ADAM23: variants seen among roughly 807,000 people sequenced by gnomAD.
The protein encoded by ADAM23 is ADAM metallopeptidase domain 23, also known as disintegrin and metalloproteinase domain-containing protein 23.
Under a neutral mutation model 120.1 loss-of-function variants are expected in ADAM23, and 33 were observed. The observed-to-expected ratio is 0.27, with a 90% CI of 0.21 to 0.37. The LOEUF (loss-of-function observed/expected upper bound fraction) is 0.37, where lower values mean the gene tolerates loss of function less well. Ranked by LOEUF, ADAM23 falls within the 10% of genes least tolerant of loss-of-function variation. The pLI is 1.00. For synonymous variants in ADAM23, 367 were observed against 375.2 expected (o/e 0.98, Z 0.25); for missense variants, 862 against 1,058.2 (o/e 0.81, Z 2.57).
chr2:206,606,346 A>G (rs912882925), intron 24 of ADAM23, among the ~76,000 whole-genome samples: 3 of 152,174 alleles, frequency 2.0e-5, no homozygotes, highest in Non-Finnish European at 4.4e-5. Flanking sequence ...ATAGCTACTA[A>G]TGTTTTCTTC....
chr2:206,444,249 TC>T (rs1226790120), intron 1 of ADAM23, among the ~76,000 whole-genome samples, 169 bp downstream of exon 1: 2 of 152,182 alleles, frequency 1.3e-5, no homozygotes, highest in Non-Finnish European at 2.9e-5. Flanking sequence ...TCATCCCAGT[TC>T]ACTTTTGGAA....
chr2:206,599,148 T>C (rs188851779), intron 24 of ADAM23, among the ~76,000 whole-genome samples: 3 of 147,340 alleles, frequency 2.0e-5, no homozygotes, highest in African/African-American at 7.6e-5. Flanking sequence ...GAGGTTACAG[T>C]GAGCCGAGAT....
At chr2:206,457,723 A>G (rs912240807) in intron 2 of ADAM23, among the ~76,000 whole-genome samples, 3 of 152,212 alleles carry the variant, frequency 2.0e-5, no homozygotes, top group Non-Finnish European at 4.4e-5. Flanking sequence ...TATATGGAAC[A>G]AAGTGGTTAT....
At chr2:206,533,196 G>GT (rs1205299704) in intron 4 of ADAM23, among the ~76,000 whole-genome samples, 2 of 151,396 alleles carry the variant, frequency 1.3e-5, no homozygotes, top group African/African-American at 4.9e-5. Context: ...ATCTCAAATT[G>GT]TTTTTTTTAT....
intron 24 of ADAM23, among the ~76,000 whole-genome samples, chr2:206,608,432 T>G (rs985407406): frequency 3.6e-4 from 55 of 152,166 alleles, no homozygotes; most frequent in African/African-American, 1.3e-3. Flanking sequence ...TAAACAAGGA[T>G]AGTCATAGTT....
intron 15 of ADAM23, among the ~76,000 whole-genome samples, chr2:206,568,960 G>A (rs1176025889): frequency 6.6e-6 from 1 of 152,148 alleles, no homozygotes; most frequent in Non-Finnish European, 1.5e-5. Flanking sequence ...AAAAGAAACA[G>A]GACTTTCAAA....
intron 18 of ADAM23, among the ~76,000 whole-genome samples, chr2:206,574,852 A>G (rs1169987375): frequency 1.3e-5 from 2 of 152,076 alleles, no homozygotes; most frequent in African/African-American, 4.8e-5. Context: ...TAATTTACCT[A>G]TTTTATGTGT....
At chr2:206,501,960 G>T (rs898218665) in intron 3 of ADAM23, among the ~76,000 whole-genome samples, 2 of 152,046 alleles carry the variant, frequency 1.3e-5, no homozygotes, top group African/African-American at 2.4e-5. Context: ...TATGTTTTTA[G>T]TATCTTCTTT....
intron 2 of ADAM23, among the ~76,000 whole-genome samples, chr2:206,477,895 A>ATATATATAT (rs1553548627): frequency 1.6e-3 from 162 of 101,972 alleles, no homozygotes; most frequent in Non-Finnish European, 2.3e-3. Flanking sequence ...AAAAAAAAAA[A>ATATATATAT]AAATATATAT....
At chr2:206,519,177 A>G (rs1229776551) in intron 3 of ADAM23, among the ~76,000 whole-genome samples, 1 of 152,186 alleles carries the variant, frequency 6.6e-6, no homozygotes, top group Non-Finnish European at 1.5e-5. Context: ...CTGTGACAGG[A>G]TATGACAGCA....
At chr2:206,560,731 CCTT>C (rs1222774998) in intron 11 of ADAM23, among the ~76,000 whole-genome samples, 2 of 152,204 alleles carry the variant, frequency 1.3e-5, no homozygotes, top group Admixed American at 1.3e-4. Flanking sequence ...CCAAACCACT[CCTT>C]CTTTTCCTCC....
chr2:206,604,244 C>T (rs964569073), intron 24 of ADAM23, among the ~76,000 whole-genome samples: 13 of 151,082 alleles, frequency 8.6e-5, no homozygotes, highest in African/African-American at 2.4e-4. Context: ...CCAGCCTGGG[C>T]GACAGAGCGA....
intron 2 of ADAM23, among the ~76,000 whole-genome samples, chr2:206,446,392 AT>A (rs947067261): frequency 2.0e-5 from 3 of 152,190 alleles, no homozygotes; most frequent in African/African-American, 7.2e-5. Flanking sequence ...TGTATGTTAA[AT>A]GTTTCATTTT....
At chr2:206,512,847 CTCTG>C (rs1323094049) in intron 3 of ADAM23, among the ~76,000 whole-genome samples, 21 of 152,174 alleles carry the variant, frequency 1.4e-4, no homozygotes, top group Admixed American at 6.5e-4. Context: ...ATGCTCACTT[CTCTG>C]TCTGTGTCAT....
At chr2:206,589,319 A>G in intron 20 of ADAM23, 90 bp from the exon 21 acceptor site, 4 of 981,346 alleles carry the variant, frequency 4.1e-6, no homozygotes, top group Non-Finnish European at 6.0e-6. Flanking sequence ...GCTCTGGAGA[A>G]TCGGGTGTTA....
chr2:206,486,897 T>G (rs2300970), intron 3 of ADAM23, among the ~76,000 whole-genome samples: 46,408 of 152,104 alleles, frequency 0.31, 7,576 homozygotes, highest in Admixed American at 0.41. Flanking sequence ...ATTCCCTTCT[T>G]CCTTAGGCCC....
chr2:206,563,001 T>G (rs1697800286), intron 13 of ADAM23, among the ~76,000 whole-genome samples: 1 of 152,226 alleles, frequency 6.6e-6, no homozygotes, highest in South Asian at 2.1e-4. Context: ...CACAGTAATC[T>G]GAAGGGTCCA....
intron 25 of ADAM23, 126 bp downstream of exon 25, chr2:206,610,126 T>C: frequency 1.3e-6 from 1 of 776,214 alleles, no homozygotes; most frequent in Non-Finnish European, 1.9e-6. Context: ...AAAATAAGTC[T>C]TTTTATTCAG....
At chr2:206,450,240 G>A (rs1695164784) in intron 2 of ADAM23, among the ~76,000 whole-genome samples, 2 of 152,162 alleles carry the variant, frequency 1.3e-5, no homozygotes, top group African/African-American at 2.4e-5. Flanking sequence ...GTTTTATACT[G>A]TGGAACATGG....
Sources: allele counts gnomAD v4.1 joint callset (sites outside exome capture counted in the v4.1 genomes callset), GRCh38; gene constraint gnomAD v4.1.1; transcripts MANE v1.5; gene names NCBI Gene and HGNC (gene_info 2026-07-23, HGNC 2026-07-21).